The following STUM variants were observed in gnomAD, a reference collection of about 807,000 sequenced individuals.
STUM encodes the protein protein stum homolog.
STUM carries 8 observed loss-of-function variants against 15.3 expected under a neutral mutation model. That is an observed-to-expected ratio of 0.52 (90% confidence interval 0.31 to 0.94). STUM has a LOEUF of 0.94. Among genes scored for constraint, STUM ranks in the 40% least tolerant of loss-of-function variants. The pLI, the probability that STUM is intolerant of heterozygous loss-of-function variation, is 0.05. For missense variants in STUM, 142 were observed against 204.9 expected (o/e 0.69, Z 1.87); for synonymous variants, 78 against 88.7 (o/e 0.88, Z 0.68).
chr1:226,597,402 T>A (rs1353029271), intron 2 of STUM: 1 of 474,070 alleles, frequency 2.1e-6, no homozygotes, highest in South Asian at 1.5e-5. Context: ...GTTCCCTGTA[T>A]TTTCCCACGC....
chr1:226,584,452 C>T (rs1667968581), intron 1 of STUM, among the ~76,000 whole-genome samples: 3 of 152,236 alleles, frequency 2.0e-5, no homozygotes, highest in African/African-American at 7.2e-5. Context: ...TATATGGGCC[C>T]ATCTCTTGAT....
intron 1 of STUM, among the ~76,000 whole-genome samples, chr1:226,578,628 G>T (rs372434995): frequency 6.6e-6 from 1 of 152,122 alleles, no homozygotes; most frequent in Admixed American, 6.5e-5. Context: ...CTCCCAAAGT[G>T]CTGGGATTAC....
At chr1:226,562,645 G>A (rs1667562281) in intron 1 of STUM, among the ~76,000 whole-genome samples, 1 of 152,096 alleles carries the variant, frequency 6.6e-6, no homozygotes, top group Non-Finnish European at 1.5e-5. Flanking sequence ...TGCTCATGGG[G>A]AAACATCAGA....
chr1:226,554,684 C>A (rs1667420663), intron 1 of STUM, among the ~76,000 whole-genome samples: 1 of 152,192 alleles, frequency 6.6e-6, no homozygotes, highest in Non-Finnish European at 1.5e-5. Flanking sequence ...AATTCCCAGT[C>A]TTTCTGGCAT....
At chr1:226,599,653 A>G (rs145237726) in intron 2 of STUM, among the ~76,000 whole-genome samples, 1 of 152,374 alleles carries the variant, frequency 6.6e-6, no homozygotes, top group East Asian at 1.9e-4. Flanking sequence ...AGAGAAATCT[A>G]GATGAAAGTG....
Position 226,552,325 on chromosome 1 carries a change from AT to A in STUM, c.202+3221del, listed in dbSNP as rs1017248964. Among the ~76,000 whole-genome samples the A allele has an allele frequency of 7.9e-5, 12 of 152,216 alleles. No individual in the cohort carries two copies. Among genetic ancestry groups the A allele is most frequent in the African/African-American group, 2.9e-4 (12 of 41,450 alleles). On this transcript the variant is annotated intron_variant, in intron 1 of 3. Coordinates refer to ENST00000366788, the MANE Select transcript of STUM (RefSeq NM_001003665.4). This position sits in a 1 kb window ranked among gnomAD's most constrained non-coding sequence, Gnocchi z 4.7. ...TGAAAAACAATTTTTACAAGTGGAC[AT>A]TAGTAAAGAGAGTCACCTCTAGTCC...
intron 1 of STUM, among the ~76,000 whole-genome samples, chr1:226,555,372 A>G (rs1667430800): frequency 6.6e-6 from 1 of 152,220 alleles, no homozygotes; most frequent in African/African-American, 2.4e-5. Context: ...ACCAAAAGGC[A>G]TCCTAGACAT....
At chr1:226,558,101 C>T (rs708747) in intron 1 of STUM, among the ~76,000 whole-genome samples, 149 of 152,336 alleles carry the variant, frequency 9.8e-4, no homozygotes, top group African/African-American at 3.3e-3. Flanking sequence ...ACTTTTGCCA[C>T]TTCTATTCAA....
At chr1:226,555,660 C>T (rs918002610) in intron 1 of STUM, among the ~76,000 whole-genome samples, 10 of 152,228 alleles carry the variant, frequency 6.6e-5, no homozygotes, top group Non-Finnish European at 8.8e-5. Flanking sequence ...TCTGCTTGTC[C>T]GTACTCATGT....
intron 1 of STUM, among the ~76,000 whole-genome samples, chr1:226,593,830 G>A (rs930202298): frequency 1.3e-5 from 2 of 152,182 alleles, no homozygotes; most frequent in Admixed American, 6.5e-5. Context: ...TTCCTTGGAG[G>A]GCAGCGGGGA....
intron 1 of STUM, among the ~76,000 whole-genome samples, chr1:226,559,269 C>T (rs1305850600): frequency 6.6e-6 from 1 of 152,140 alleles, no homozygotes; most frequent in East Asian, 1.9e-4. Flanking sequence ...AAGAGCCTGC[C>T]TTGAAACCTC....
At chr1:226,556,144 G>T (rs1418825462) in intron 1 of STUM, among the ~76,000 whole-genome samples, 2 of 152,204 alleles carry the variant, frequency 1.3e-5, no homozygotes, top group Admixed American at 1.3e-4. Context: ...TCTGAGAAAT[G>T]GCAAGGGACC....
intron 1 of STUM, among the ~76,000 whole-genome samples, chr1:226,591,703 C>T (rs1668087956): frequency 6.6e-6 from 1 of 152,204 alleles, no homozygotes; most frequent in Non-Finnish European, 1.5e-5. Context: ...AGTTCAAGGA[C>T]AAAGTTTCCT....
chr1:226,559,976 A>G (rs1667514484), intron 1 of STUM, among the ~76,000 whole-genome samples: 1 of 147,634 alleles, frequency 6.8e-6, no homozygotes, highest in Non-Finnish European at 1.5e-5. Context: ...TCCGTCTCAA[A>G]AAAAAAAAAA....
At chr1:226,575,450 C>G (rs548419063) in intron 1 of STUM, among the ~76,000 whole-genome samples, 1 of 152,336 alleles carries the variant, frequency 6.6e-6, no homozygotes, top group African/African-American at 2.4e-5. Flanking sequence ...CGGCAGGCAC[C>G]CAGGGTGGGT....
intron 1 of STUM, among the ~76,000 whole-genome samples, chr1:226,572,524 T>A (rs556253446): frequency 6.6e-6 from 1 of 152,138 alleles, no homozygotes; most frequent in Non-Finnish European, 1.5e-5. Flanking sequence ...AGTTTTACGA[T>A]GAGCAGACGG....
In STUM at chr1:226,591,607, G is replaced by A. The variant is rs879643630; in HGVS notation, c.203-5195G>A. ...GAACAGGCAGGTACTCAGCCCACTG[G>A]CCTCTAATCACTTTGGCAATTCCAG... On this transcript the variant is annotated intron_variant, in intron 1 of 3. Transcript: ENST00000366788. 5.3e-5 allele frequency among the ~76,000 whole-genome samples: 8 copies of A among 152,100 alleles called. 1 individual carries two copies. Among genetic ancestry groups the A allele is most frequent in the Non-Finnish European group, 1.2e-4 (8 of 68,020 alleles).
rs1336817565 is a variant in STUM at position 226,567,477 on chromosome 1, G to A, written c.202+18371G>A. On this transcript the variant is annotated intron_variant, in intron 1 of 3. Transcript: ENST00000366788. This position sits in a 1 kb window ranked among gnomAD's most constrained non-coding sequence, Gnocchi z 4.5. ...CCTGAATGCCAGTGGTTGAGGGAAAGCAGATTTAATGAGAAGAGGTAGATG... is the reference window on the plus strand; with the variant it reads ...CCTGAATGCCAGTGGTTGAGGGAAAACAGATTTAATGAGAAGAGGTAGATG... Among the ~76,000 whole-genome samples, 2 of 152,208 alleles carry A rather than the reference G, an allele frequency of 1.3e-5. No individual in the cohort carries two copies. The highest frequency in any genetic ancestry group is 3.8e-4 in the East Asian group (2 of 5,200).
At chr1:226,589,939 A>G (rs1353433887) in intron 1 of STUM, among the ~76,000 whole-genome samples, 1 of 119,170 alleles carries the variant, frequency 8.4e-6, no homozygotes, top group East Asian at 2.3e-4. Flanking sequence ...AGCTGGAGGA[A>G]TGTTAATTTT....
Sources: allele counts gnomAD v4.1 joint callset (sites outside exome capture counted in the v4.1 genomes callset), GRCh38; gene constraint gnomAD v4.1.1; non-coding constraint Gnocchi (gnomAD v3.1); transcripts MANE v1.5; gene names NCBI Gene and HGNC (gene_info 2026-07-23, HGNC 2026-07-21).